Variants in KRT8 observed in about 807,000 individuals in gnomAD.
The protein encoded by KRT8 is keratin 8, also known as keratin, type II cytoskeletal 8.
A neutral mutation model predicts 43.0 loss-of-function variants in KRT8; 24 were observed. The observed-to-expected ratio is 0.56, with a 90% CI of 0.40 to 0.78. KRT8 has a LOEUF of 0.78. KRT8 is among the 30% of genes least tolerant of loss of function. KRT8 has a pLI of 0.00. For synonymous variants in KRT8, 214 were observed against 261.2 expected, an observed-to-expected ratio of 0.82 and a Z score of 1.74; for missense variants, 492 against 638.4, an observed-to-expected ratio of 0.77 and a Z score of 2.47.
At chr12:52,928,702 C>T (rs774398153) in intron 2 of KRT8, among the ~76,000 whole-genome samples, 2 of 152,084 alleles carry the variant, frequency 1.3e-5, no homozygotes, top group African/African-American at 2.4e-5. Context: ...GTCAGGAGTT[C>T]GAGACCAGCC....
upstream of KRT8, among the ~76,000 whole-genome samples, chr12:52,907,574 A>G (rs1941547679): frequency 6.6e-6 from 1 of 152,186 alleles, no homozygotes; most frequent in African/African-American, 2.4e-5. Context: ...TAAGGTGAGG[A>G]CAGAGGGGGT....
At chr12:52,948,483 A>ATTTCTTT (rs1942385113) in intron 2 of KRT8, 1 of 138,152 alleles carries the variant, frequency 7.2e-6, no homozygotes, top group Non-Finnish European at 1.5e-5. Flanking sequence ...AGACCCCCAA[A>ATTTCTTT]TTTCTTTTTT....
chr12:52,943,778 C>T (rs1321333052), intron 2 of KRT8, among the ~76,000 whole-genome samples: 1 of 152,226 alleles, frequency 6.6e-6, no homozygotes. Context: ...GCCCTGCTCT[C>T]CTAGCTGCTC....
chr12:52,901,144 G>A lies in KRT8; in HGVS notation c.594+15C>T. ...AGCCTCCAGTGTCCAGATAGGAGAA[G>A]GGAGACTCCCTCACCTTCTTGATGA... On this transcript the variant is annotated intron_variant, in intron 3 of 7. Coordinates refer to ENST00000692008, the Ensembl canonical transcript of KRT8. The A allele has an allele frequency of 6.3e-7, 1 of 1,587,490 alleles. No homozygotes were observed. Among genetic ancestry groups the A allele is most frequent in the Non-Finnish European group, 8.7e-7 (1 of 1,155,752 alleles).
At chr12:52,909,762 T>C (rs1592169566), upstream of KRT8, among the ~76,000 whole-genome samples, 1 of 152,230 alleles carries the variant, frequency 6.6e-6, no homozygotes, top group Admixed American at 6.5e-5. Context: ...TCCACCACCA[T>C]AGAGCTTTAC....
chr12:52,912,195 A>G (rs1308564641), intron 2 of KRT8, among the ~76,000 whole-genome samples: 3 of 152,200 alleles, frequency 2.0e-5, no homozygotes, highest in Non-Finnish European at 4.4e-5. Context: ...GAGCAGAGTC[A>G]CAGCATTGGG....
chr12:52,900,693 G>A lies in KRT8; in HGVS notation c.595-10C>T, dbSNP rs1167456061. ...AAGCTTCATCCACATCCTGGGGGAT[G>A]AGGAGAGGGGAGCCTGAGCTGGGTT... On this transcript the variant is annotated splice_polypyrimidine_tract_variant and intron_variant, in intron 3 of 7. Transcript: ENST00000692008. The A allele has an allele frequency of 1.3e-6, 2 of 1,595,444 alleles. No individual in the cohort carries two copies. The highest frequency in any genetic ancestry group is 1.7e-6 in the Non-Finnish European group (2 of 1,165,550).
chr12:52,912,631 G>A (rs921620789), intron 2 of KRT8, among the ~76,000 whole-genome samples: 9 of 152,346 alleles, frequency 5.9e-5, no homozygotes, highest in Middle Eastern at 3.4e-3. Flanking sequence ...TAGGACTGGT[G>A]AAAAGACGTG....
chr12:52,924,697 C>T (rs1253994954), intron 2 of KRT8, among the ~76,000 whole-genome samples: 1 of 152,116 alleles, frequency 6.6e-6, no homozygotes, highest in Non-Finnish European at 1.5e-5. Context: ...TTGTATAGGA[C>T]ACTACTGTAT....
intron 7 of KRT8, among the ~76,000 whole-genome samples, 189 bp downstream of exon 7, chr12:52,898,272 G>A (rs1251466234): frequency 6.6e-6 from 1 of 152,200 alleles, no homozygotes; most frequent in African/African-American, 2.4e-5. Context: ...CTTTCTAATA[G>A]TAAAGTTACT....
intron 2 of KRT8, among the ~76,000 whole-genome samples, chr12:52,925,885 C>G (rs1353743301): frequency 6.6e-6 from 1 of 152,110 alleles, no homozygotes; most frequent in East Asian, 1.9e-4. Context: ...CGTTTCTCTC[C>G]CCCTCAGGGC....
intron 2 of KRT8, among the ~76,000 whole-genome samples, chr12:52,942,290 G>A (rs934086622): frequency 2.6e-5 from 4 of 152,066 alleles, no homozygotes; most frequent in African/African-American, 4.8e-5. Flanking sequence ...GAAGCTCGCC[G>A]ACTTGGGCAC....
chr12:52,938,571 G>A (rs114824342), intron 2 of KRT8, among the ~76,000 whole-genome samples: 1,975 of 151,806 alleles, frequency 0.013, 44 homozygotes, highest in African/African-American at 0.045. Context: ...GAGCCCAATA[G>A]TTCGAGACAA....
At chr12:52,905,853 G>C (rs1941506565), upstream of KRT8, among the ~76,000 whole-genome samples, 1 of 152,104 alleles carries the variant, frequency 6.6e-6, no homozygotes. Flanking sequence ...CAGCACTTTG[G>C]GAGGCTGAGG....
chr12:52,897,280 C>G (rs1426852858), exon 8 of KRT8: 5 of 782,670 alleles, frequency 6.4e-6, no homozygotes, highest in South Asian at 5.7e-5. Context: ...AGGGGGGTCC[C>G]CAGGTAGTAA....
intron 2 of KRT8, among the ~76,000 whole-genome samples, chr12:52,914,481 G>A (rs2682296): frequency 0.39 from 59,467 of 151,848 alleles, 12,873 homozygotes; most frequent in East Asian, 0.72. Flanking sequence ...AGGTTGCAGC[G>A]AGCTGTGATC....
chr12:52,934,377 T>G (rs545602556), intron 2 of KRT8, among the ~76,000 whole-genome samples: 1 of 150,830 alleles, frequency 6.6e-6, no homozygotes, highest in African/African-American at 2.4e-5. Flanking sequence ...CTGGCCAACA[T>G]GGTGAAACCC....
At chr12:52,908,448 C>G (rs1168581973), upstream of KRT8, among the ~76,000 whole-genome samples, 2 of 152,188 alleles carry the variant, frequency 1.3e-5, no homozygotes, top group Non-Finnish European at 2.9e-5. Context: ...TTTAATGTGG[C>G]ATATCCATAC....
rs111570789 is a variant in KRT8 at position 52,899,765 on chromosome 12, C to A, written c.981+10G>T. On this transcript the variant is annotated intron_variant, in intron 5 of 7. Transcript: ENST00000692008. ...CAAGGAACCCCTCCCACCCCCAACC[C>A]GGCCCATACCTGGCCTTTGAGGCCC... 40 of 1,610,660 alleles carry A rather than the reference C, an allele frequency of 2.5e-5. No individual in the cohort carries two copies. In the African/African-American group the frequency reaches 5.1e-4, roughly 20 times the overall value.
Sources: allele counts gnomAD v4.1 joint callset (sites outside exome capture counted in the v4.1 genomes callset), GRCh38; gene constraint gnomAD v4.1.1; transcripts MANE v1.5; gene names NCBI Gene and HGNC (gene_info 2026-07-23, HGNC 2026-07-21).